RTTN: variants seen among roughly 807,000 people sequenced by gnomAD.
The protein encoded by RTTN is rotatin.
RTTN carries 182 observed loss-of-function variants against 269.2 expected under a neutral mutation model. The observed-to-expected ratio is 0.68, with a 90% CI of 0.60 to 0.76. RTTN has a LOEUF of 0.76. Ranked by LOEUF, RTTN falls within the 30% of genes least tolerant of loss-of-function variation. RTTN has a pLI of 0.00. For missense variants in RTTN, 2,545 were observed against 2,608.6 expected, an observed-to-expected ratio of 0.98 and a Z score of 0.53; for synonymous variants, 1,006 against 963.5, an observed-to-expected ratio of 1.04 and a Z score of -0.82.
intron 16 of RTTN, 50 bp from the exon 17 acceptor site, chr18:70,149,087 C>G: frequency 6.6e-7 from 1 of 1,521,962 alleles, no homozygotes. Context: ...GTATACATAA[C>G]TTTTCAACTT....
intron 27 of RTTN, among the ~76,000 whole-genome samples, chr18:70,112,325 C>T (rs28816412): frequency 0.018 from 2,791 of 151,864 alleles, 78 homozygotes; most frequent in African/African-American, 0.064. Flanking sequence ...TAAATGTAAA[C>T]GGGCTAAATG....
chr18:70,054,685 T>G (rs1263802967), intron 37 of RTTN, among the ~76,000 whole-genome samples: 1 of 151,954 alleles, frequency 6.6e-6, no homozygotes, highest in Non-Finnish European at 1.5e-5. Flanking sequence ...ATATAAAAAT[T>G]AGCCGGGCCT....
intron 36 of RTTN, among the ~76,000 whole-genome samples, 158 bp downstream of exon 36, chr18:70,059,692 A>T (rs565495278): frequency 1.3e-5 from 2 of 152,356 alleles, no homozygotes; most frequent in Non-Finnish European, 2.9e-5. Context: ...AAAACCACCA[A>T]GACAATTCTG....
chr18:70,121,786 A>T, intron 25 of RTTN, 86 bp from the exon 26 acceptor site: 1 of 1,262,040 alleles, frequency 7.9e-7, no homozygotes, highest in South Asian at 1.6e-5. Context: ...GACTTAACAG[A>T]TGTCTTGTGA....
intron 3 of RTTN, among the ~76,000 whole-genome samples, chr18:70,203,363 C>T (rs971702554): frequency 6.6e-6 from 1 of 152,082 alleles, no homozygotes; most frequent in Non-Finnish European, 1.5e-5. Context: ...CCACTATGTC[C>T]GGCTAATTTT....
chr18:70,201,128 T>C (rs1448563040), intron 4 of RTTN, among the ~76,000 whole-genome samples: 1 of 152,118 alleles, frequency 6.6e-6, no homozygotes, highest in Non-Finnish European at 1.5e-5. Flanking sequence ...GGAGATGAGA[T>C]TCCAGATTCC....
intron 14 of RTTN, among the ~76,000 whole-genome samples, chr18:70,162,502 G>C (rs2060857558): frequency 6.6e-6 from 1 of 152,164 alleles, no homozygotes; most frequent in African/African-American, 2.4e-5. Flanking sequence ...AATCATGTCA[G>C]AAGGCACCTC....
intron 40 of RTTN, 103 bp from the exon 41 acceptor site, chr18:70,031,084 C>A: frequency 1.5e-6 from 1 of 687,436 alleles, no homozygotes; most frequent in Non-Finnish European, 2.4e-6. Flanking sequence ...TGCTAGGTTT[C>A]AACTATCATG....
intron 43 of RTTN, among the ~76,000 whole-genome samples, chr18:70,027,113 C>T (rs552433223): frequency 5.9e-5 from 9 of 152,326 alleles, no homozygotes; most frequent in East Asian, 3.9e-4. Context: ...AAGGTGTCAT[C>T]ATCTCTTGTC....
intron 8 of RTTN, chr18:70,192,920 C>T (rs559941146): frequency 1.8e-4 from 29 of 164,732 alleles, no homozygotes; most frequent in Non-Finnish European, 3.5e-4. Flanking sequence ...TTTATTGGGT[C>T]AGAATCATTT....
At chr18:70,013,319 G>C (rs1428331093) in intron 46 of RTTN, among the ~76,000 whole-genome samples, 5 of 149,832 alleles carry the variant, frequency 3.3e-5, no homozygotes, top group Non-Finnish European at 5.9e-5. Flanking sequence ...ATCTAAGTAA[G>C]TTTATAACTC....
In RTTN at chr18:70,003,920, C is replaced by T. The variant is rs1441696217; in HGVS notation, c.*231G>A. 2.8e-6 allele frequency: 1 copy of T among 358,838 alleles called. No homozygotes were observed. The highest frequency in any genetic ancestry group is 4.5e-5 in the Admixed American group (1 of 21,994). The allele number at this position is 358,838 out of a possible 1,614,324, so 22.2% of individuals were successfully genotyped here. A position where few individuals can be genotyped will look rare whatever the true frequency, so the allele number is the denominator to read the frequency against. ...GTTCCCAGAACTTTCTATGCCTTTT[C>T]AACAGAAAGGAAAAGGCACAGAAAG... On this transcript the variant is annotated 3_prime_UTR_variant, in exon 49 of 49. Coordinates refer to ENST00000640769, the MANE Select transcript of RTTN (RefSeq NM_173630.4).
chr18:70,153,435 C>G (rs2060592057), intron 14 of RTTN, among the ~76,000 whole-genome samples: 1 of 152,030 alleles, frequency 6.6e-6, no homozygotes, highest in Non-Finnish European at 1.5e-5. Context: ...TCACTACAGT[C>G]TAGCATATGG....
rs570382314 is a variant in RTTN at position 70,003,129 on chromosome 18, C to T, written c.*1022G>A. 1.4e-5 allele frequency: 2 copies of T among 147,946 alleles called. No individual in the cohort carries two copies. Among genetic ancestry groups the T allele is most frequent in the African/African-American group, 4.9e-5 (2 of 40,410 alleles). The allele number at this position is 147,946 out of a possible 1,614,324, so 9.2% of individuals were successfully genotyped here. ...TCAGCTCACTGCAACCTCCCTGCCT[C>T]CCAGGTTGAAGAGATTCTCGTGCCT... On this transcript the variant is annotated 3_prime_UTR_variant, in exon 49 of 49. Transcript: ENST00000640769.
chr18:70,048,158 G>A lies in RTTN; in HGVS notation c.5354C>T (p.Ala1785Val). The A allele has an allele frequency of 1.9e-6, 3 of 1,614,076 alleles. No individual in the cohort carries two copies. Among genetic ancestry groups the A allele is most frequent in the Middle Eastern group, 1.6e-4 (1 of 6,062 alleles). The change falls in exon 40 of 49, where the codon GCC (alanine) becomes GTC (valine). Residue 1785 changes from alanine to valine, a missense_variant. Ala to Val is a moderately conservative substitution (Grantham distance 64). Coordinates refer to ENST00000640769, the MANE Select transcript of RTTN (RefSeq NM_173630.4). The stretch of plus-strand genomic sequence containing the variant: ...GGCAGTATACAGGGCAGGACACGTG[G>A]CAGACAAGCCTGCACATGTGCAGAA... ...DMFCTCAGLS[A>V]TCPALYTASL...
At chr18:70,020,196 T>A (rs557542008) in intron 45 of RTTN, among the ~76,000 whole-genome samples, 1 of 152,252 alleles carries the variant, frequency 6.6e-6, no homozygotes, top group African/African-American at 2.4e-5. Flanking sequence ...GGAAGTTAAG[T>A]CTAACTGGGG....
At chr18:70,010,153 C>G (rs956129384) in intron 46 of RTTN, among the ~76,000 whole-genome samples, 2 of 152,134 alleles carry the variant, frequency 1.3e-5, no homozygotes, top group African/African-American at 4.8e-5. Flanking sequence ...CTTCAACACC[C>G]CACTGTCAAT....
intron 43 of RTTN, among the ~76,000 whole-genome samples, chr18:70,025,696 AT>A (rs1271106477): frequency 1.3e-5 from 2 of 152,164 alleles, no homozygotes; most frequent in Non-Finnish European, 2.9e-5. Context: ...CTTGTTTACT[AT>A]TTCACAGAGA....
chr18:70,172,787 T>C (rs2061175995), intron 11 of RTTN, among the ~76,000 whole-genome samples: 3 of 152,078 alleles, frequency 2.0e-5, no homozygotes, highest in South Asian at 2.1e-4. Context: ...AATAAGCACA[T>C]AGATGAAAAA....
Sources: gnomAD v4.1 joint callset for allele counts (sites outside exome capture counted in the v4.1 genomes callset) on GRCh38, gnomAD v4.1.1 for gene constraint, MANE v1.5 for transcripts, NCBI Gene and HGNC (gene_info 2026-07-23, HGNC 2026-07-21) for gene names.